Variants in NIPAL2 observed in about 807,000 individuals in gnomAD.
The protein encoded by NIPAL2 is NIPA like domain containing 2.
Under a neutral mutation model 48.9 loss-of-function variants are expected in NIPAL2, and 43 were observed. The observed-to-expected ratio is 0.88, with a 90% confidence interval of 0.69 to 1.13. NIPAL2 has a LOEUF of 1.13. Ranked by LOEUF, NIPAL2 falls within the 50% of genes most tolerant of loss-of-function variation. The pLI, the probability that NIPAL2 is intolerant of heterozygous loss-of-function variation, is 0.00. For missense variants in NIPAL2, 446 were observed against 461.4 expected (o/e 0.97, Z 0.31); for synonymous variants, 167 against 174.6 (o/e 0.96, Z 0.34).
intron 8 of NIPAL2, among the ~76,000 whole-genome samples, chr8:98,202,834 C>T (rs1219515982): frequency 1.3e-5 from 2 of 152,322 alleles, no homozygotes; most frequent in Admixed American, 6.5e-5. Context: ...TGCAAGGAAA[C>T]TCATTTCAGC....
intron 1 of NIPAL2, among the ~76,000 whole-genome samples, chr8:98,286,609 G>A (rs1816176984): frequency 6.6e-6 from 1 of 152,074 alleles, no homozygotes; most frequent in Admixed American, 6.6e-5. Flanking sequence ...AGGAGTTTGA[G>A]ACCAGCCTGG....
At position 98,285,191 on chromosome 8, in the gene NIPAL2, G is replaced by A. The variant is rs377442805; in HGVS notation, c.135+8812C>T. Among the ~76,000 whole-genome samples the A allele has an allele frequency of 2.0e-5, 3 of 152,314 alleles. No homozygotes were observed. In the East Asian group the frequency reaches 5.8e-4, roughly 29 times the overall value. ...CCAGGACACAGAAATGAAAGGTCCT[G>A]GGTGAGCTGGGAGTGGTGTTAGCCC... On this transcript the variant is annotated intron_variant, in intron 1 of 10. Coordinates refer to ENST00000430223, the MANE Select transcript of NIPAL2 (RefSeq NM_001321635.2).
chr8:98,193,541 CG>C, intron 10 of NIPAL2: 1 of 907,866 alleles, frequency 1.1e-6, no homozygotes, highest in Non-Finnish European at 1.8e-6. Flanking sequence ...TAATCAGGCT[CG>C]GTGCAGTGGC....
At chr8:98,250,310 T>C (rs1008532688) in intron 3 of NIPAL2, among the ~76,000 whole-genome samples, 10 of 152,126 alleles carry the variant, frequency 6.6e-5, no homozygotes, top group African/African-American at 1.9e-4. Flanking sequence ...CTGCTTCATC[T>C]GTAGACACAG....
chr8:98,244,052 A>T (rs1466237199), intron 3 of NIPAL2, among the ~76,000 whole-genome samples: 4 of 152,078 alleles, frequency 2.6e-5, no homozygotes, highest in Non-Finnish European at 4.4e-5. Context: ...ATCTAACCCA[A>T]AGCTAAGACA....
chr8:98,210,021 G>A, intron 6 of NIPAL2, among the ~76,000 whole-genome samples: 1 of 151,608 alleles, frequency 6.6e-6, no homozygotes, highest in Non-Finnish European at 1.5e-5. Context: ...TTTCTATTTT[G>A]GGGTATTTGT....
At chr8:98,200,238 C>G (rs1810738172) in intron 8 of NIPAL2, among the ~76,000 whole-genome samples, 1 of 152,128 alleles carries the variant, frequency 6.6e-6, no homozygotes, top group Admixed American at 6.5e-5. Flanking sequence ...GTTTTGCAAC[C>G]AATTTCCAGA....
chr8:98,259,713 G>T (rs535881688), intron 1 of NIPAL2, among the ~76,000 whole-genome samples: 2 of 152,338 alleles, frequency 1.3e-5, no homozygotes, highest in African/African-American at 4.8e-5. Flanking sequence ...ACAAGCCCAG[G>T]CTAGCCTGCT....
chr8:98,240,447 C>G (rs1057278918), intron 3 of NIPAL2, among the ~76,000 whole-genome samples: 3 of 152,300 alleles, frequency 2.0e-5, no homozygotes, highest in Non-Finnish European at 2.9e-5. Flanking sequence ...AACTCACTGC[C>G]CATAGTCAGT....
At chr8:98,286,681 C>T (rs747950417) in intron 1 of NIPAL2, among the ~76,000 whole-genome samples, 11 of 151,824 alleles carry the variant, frequency 7.2e-5, no homozygotes, top group Non-Finnish European at 1.3e-4. Context: ...TGGTGGTACA[C>T]GCCTGTAGTC....
At position 98,271,048 on chromosome 8, in the gene NIPAL2, G is replaced by T. The variant is rs147544756; in HGVS notation, c.136-16961C>A. 4.6e-5 allele frequency among the ~76,000 whole-genome samples: 7 copies of T among 152,062 alleles called. No individual in the cohort carries two copies. In the East Asian group the frequency reaches 1.4e-3, roughly 29 times the overall value. ...TCTGGGCTCTCTATTATGTTCCATT[G>T]GTCTATATGTCTATTTTTGTACCAG... is the stretch of plus-strand genomic sequence containing the variant. On this transcript the variant is annotated intron_variant, in intron 1 of 10. Transcript: ENST00000430223.
chr8:98,207,696 C>G (rs1285700594), intron 6 of NIPAL2, among the ~76,000 whole-genome samples: 1 of 152,086 alleles, frequency 6.6e-6, no homozygotes, highest in Non-Finnish European at 1.5e-5. Flanking sequence ...CAGCACTCAC[C>G]TCAAATCATT....
chr8:98,213,947 C>G (rs1465504095), intron 5 of NIPAL2, among the ~76,000 whole-genome samples: 2 of 152,164 alleles, frequency 1.3e-5, no homozygotes, highest in African/African-American at 4.8e-5. Context: ...CTTTTTGCCA[C>G]CCAATCTCTG....
chr8:98,224,544 T>A (rs1563501173), intron 4 of NIPAL2, among the ~76,000 whole-genome samples: 1 of 152,076 alleles, frequency 6.6e-6, no homozygotes, highest in Admixed American at 6.6e-5. Flanking sequence ...TCCTGACATA[T>A]CCCTCCCTAC....
chr8:98,193,103 T>C lies in NIPAL2; in HGVS notation c.1040-13A>G. 6.3e-7 allele frequency: 1 copy of C among 1,585,718 alleles called. No individual in the cohort carries two copies. The highest frequency in any genetic ancestry group is 8.7e-7 in the Non-Finnish European group (1 of 1,154,548). ...AACATTTGTTTCCCTGTGGAGATAA[T>C]AATCATAGAGAATCTTTTGAGGTCT... On this transcript the variant is annotated splice_polypyrimidine_tract_variant and intron_variant, in intron 10 of 10. Coordinates refer to ENST00000430223, the MANE Select transcript of NIPAL2 (RefSeq NM_001321635.2).
chr8:98,222,381 A>T, intron 5 of NIPAL2, 98 bp downstream of exon 5: 1 of 1,247,530 alleles, frequency 8.0e-7, no homozygotes, highest in Non-Finnish European at 1.1e-6. Flanking sequence ...ATAAGATATT[A>T]GTGCTGGTAA....
chr8:98,252,513 C>T lies in NIPAL2; in HGVS notation c.326G>A (p.Gly109Glu), dbSNP rs1813644908. 6.2e-7 allele frequency: 1 copy of T among 1,614,056 alleles called. No individual in the cohort carries two copies. Among genetic ancestry groups the T allele is most frequent in the Non-Finnish European group, 8.5e-7 (1 of 1,179,998 alleles). ...AGCGATCAGAGTAATGGGAGCAAATCCATAGGCTGCAAAGTTCCCCGTCTC... is the reference window on the plus strand; with the variant it reads ...AGCGATCAGAGTAATGGGAGCAAATTCATAGGCTGCAAAGTTCCCCGTCTC... Reference protein sequence around the residue: ...VGETGNFAAYGFAPITLIAPL... With the variant: ...VGETGNFAAYEFAPITLIAPL... Residue 109 changes from glycine to glutamate, a missense_variant, in exon 3 of 11, where the codon GGA becomes GAA. By Grantham distance (98) the Gly-to-Glu change is moderately conservative. Transcript: ENST00000430223.
intron 1 of NIPAL2, among the ~76,000 whole-genome samples, chr8:98,285,825 C>T (rs1323153554): frequency 6.6e-6 from 1 of 152,084 alleles, no homozygotes; most frequent in Non-Finnish European, 1.5e-5. Context: ...GAGAGACTGA[C>T]TCCTCTTGCA....
At chr8:98,218,973 G>A (rs1811711418) in intron 5 of NIPAL2, among the ~76,000 whole-genome samples, 1 of 152,178 alleles carries the variant, frequency 6.6e-6, no homozygotes, top group South Asian at 2.1e-4. Flanking sequence ...GATGGTGGAA[G>A]CCTGAATTAA....
Sources: allele counts gnomAD v4.1 joint callset (sites outside exome capture counted in the v4.1 genomes callset), GRCh38; gene constraint gnomAD v4.1.1; transcripts MANE v1.5; gene names NCBI Gene and HGNC (gene_info 2026-07-23, HGNC 2026-07-21).